PKP4: variants seen among roughly 807,000 people sequenced by gnomAD.
The protein encoded by PKP4 is plakophilin-4.
PKP4 carries 90 observed loss-of-function variants against 145.1 expected under a neutral mutation model. The observed-to-expected ratio is 0.62, with a 90% CI of 0.52 to 0.74. PKP4 has a LOEUF of 0.74. Ranked by LOEUF, PKP4 falls within the 30% of genes least tolerant of loss-of-function variation. The pLI is 0.00. For synonymous variants in PKP4, 563 were observed against 577.2 expected, an observed-to-expected ratio of 0.98 and a Z score of 0.35; for missense variants, 1,340 against 1,482.7, an observed-to-expected ratio of 0.90 and a Z score of 1.58.
chr2:158,528,598 G>A (rs1220949909), intron 1 of PKP4, among the ~76,000 whole-genome samples: 1 of 120,794 alleles, frequency 8.3e-6, no homozygotes, highest in Non-Finnish European at 1.6e-5. Context: ...TAACTAACCT[G>A]CACAATGTGC....
At chr2:158,625,760 A>G (rs1294669897) in intron 7 of PKP4, among the ~76,000 whole-genome samples, 1 of 151,982 alleles carries the variant, frequency 6.6e-6, no homozygotes, top group Non-Finnish European at 1.5e-5. Flanking sequence ...TTAATGAAAT[A>G]TTTTTTACCA....
intron 1 of PKP4, among the ~76,000 whole-genome samples, chr2:158,520,137 A>G (rs1251843403): frequency 6.6e-6 from 1 of 152,148 alleles, no homozygotes; most frequent in Non-Finnish European, 1.5e-5. Context: ...TTCATTAACC[A>G]TTTTGCAGTG....
chr2:158,516,206 G>A (rs1176121215), intron 1 of PKP4, among the ~76,000 whole-genome samples: 1 of 152,058 alleles, frequency 6.6e-6, no homozygotes, highest in African/African-American at 2.4e-5. Flanking sequence ...AAACACTGGG[G>A]ATCTGACCCA....
intron 4 of PKP4, among the ~76,000 whole-genome samples, chr2:158,609,914 GGAGCT>G (rs776019017): frequency 7.2e-5 from 11 of 152,126 alleles, no homozygotes; most frequent in Non-Finnish European, 1.2e-4. Context: ...CTGAAGTATG[GGAGCT>G]GAGAAAGATA....
intron 2 of PKP4, among the ~76,000 whole-genome samples, chr2:158,574,302 A>T (rs1226158986): frequency 6.6e-6 from 1 of 152,194 alleles, no homozygotes; most frequent in African/African-American, 2.4e-5. Context: ...AAAAGAACAA[A>T]TATAAGCTCC....
chr2:158,654,890 G>T (rs1337182162), intron 11 of PKP4, among the ~76,000 whole-genome samples: 1 of 152,134 alleles, frequency 6.6e-6, no homozygotes, highest in Admixed American at 6.5e-5. Flanking sequence ...TATGTGTCCT[G>T]CATATGTGTC....
intron 4 of PKP4, among the ~76,000 whole-genome samples, chr2:158,610,847 A>G (rs1033271337): frequency 2.0e-5 from 3 of 152,170 alleles, no homozygotes; most frequent in African/African-American, 7.2e-5. Flanking sequence ...AGCACATTAG[A>G]CCAGGAGCAG....
At chr2:158,670,126 T>C (rs2057432166) in intron 17 of PKP4, among the ~76,000 whole-genome samples, 1 of 152,248 alleles carries the variant, frequency 6.6e-6, no homozygotes, top group African/African-American at 2.4e-5. Context: ...TTCACTTTAT[T>C]GTAACACCCT....
At chr2:158,620,191 A>G (rs142582723) in intron 4 of PKP4, among the ~76,000 whole-genome samples, 2,226 of 152,344 alleles carry the variant, frequency 0.015, 186 homozygotes, top group Admixed American at 0.13. Flanking sequence ...GAAGTCCATC[A>G]GAAAATGGGA....
intron 4 of PKP4, among the ~76,000 whole-genome samples, chr2:158,607,700 C>T (rs1160559556): frequency 6.6e-6 from 1 of 152,084 alleles, no homozygotes; most frequent in African/African-American, 2.4e-5. Context: ...TTCTCCTAAC[C>T]CTCACCAGTC....
intron 6 of PKP4, among the ~76,000 whole-genome samples, chr2:158,622,839 T>C (rs1323275185): frequency 1.3e-5 from 2 of 152,228 alleles, no homozygotes; most frequent in African/African-American, 2.4e-5. Flanking sequence ...CTGGACTAAA[T>C]GCTAATGGGA....
At chr2:158,512,636 A>C (rs2041615444) in intron 1 of PKP4, among the ~76,000 whole-genome samples, 1 of 152,214 alleles carries the variant, frequency 6.6e-6, no homozygotes, top group Non-Finnish European at 1.5e-5. Flanking sequence ...CATCATGACC[A>C]ACCTTTTGAT....
chr2:158,581,669 C>G (rs1265988463), intron 3 of PKP4, among the ~76,000 whole-genome samples: 1 of 152,122 alleles, frequency 6.6e-6, no homozygotes, highest in Non-Finnish European at 1.5e-5. Flanking sequence ...CTTGTAGGAT[C>G]AAAGATTCAT....
chr2:158,470,522 A>G (rs993862905), intron 1 of PKP4, among the ~76,000 whole-genome samples: 1 of 152,168 alleles, frequency 6.6e-6, no homozygotes, highest in Non-Finnish European at 1.5e-5. Context: ...TCCTACTCTG[A>G]TGACAACAAG....
At chr2:158,677,884 G>A (rs997257217) in intron 20 of PKP4, among the ~76,000 whole-genome samples, 2 of 151,794 alleles carry the variant, frequency 1.3e-5, no homozygotes, top group Non-Finnish European at 2.9e-5. Context: ...TATCTTCTTC[G>A]CTTGCTTCAA....
chr2:158,534,471 T>G (rs1371320393), intron 2 of PKP4, among the ~76,000 whole-genome samples: 1 of 152,190 alleles, frequency 6.6e-6, no homozygotes, highest in Non-Finnish European at 1.5e-5. Flanking sequence ...ATTTTCATCT[T>G]CCACCAAACT....
chr2:158,640,951 C>A (rs1194099841), intron 10 of PKP4, among the ~76,000 whole-genome samples, 192 bp downstream of exon 10: 2 of 152,192 alleles, frequency 1.3e-5, no homozygotes. Context: ...ACATATATTT[C>A]TTGGAGTGCT....
At chr2:158,560,643 A>G (rs1408083187) in intron 2 of PKP4, among the ~76,000 whole-genome samples, 1 of 152,196 alleles carries the variant, frequency 6.6e-6, no homozygotes, top group Non-Finnish European at 1.5e-5. Flanking sequence ...TTGGCAAGTG[A>G]ACCTCTTAGG....
chr2:158,538,057 G>A (rs1212935670), intron 2 of PKP4, among the ~76,000 whole-genome samples: 1 of 152,008 alleles, frequency 6.6e-6, no homozygotes, highest in Non-Finnish European at 1.5e-5. Context: ...AAAGGATCCT[G>A]CCTCTTCCTG....
Sources: allele counts gnomAD v4.1 joint callset (sites outside exome capture counted in the v4.1 genomes callset), GRCh38; gene constraint gnomAD v4.1.1; transcripts MANE v1.5; gene names NCBI Gene and HGNC (gene_info 2026-07-23, HGNC 2026-07-21).